RAB7A: variants seen among roughly 807,000 people sequenced by gnomAD.
The protein encoded by RAB7A is ras-related protein Rab-7a.
RAB7A carries 2 observed loss-of-function variants against 24.5 expected under a neutral mutation model. The observed-to-expected ratio is 0.08, with a 90% confidence interval of 0.03 to 0.26. The LOEUF is 0.26. Among genes scored for constraint, RAB7A ranks in the 10% least tolerant of loss-of-function variants. RAB7A has a pLI of 1.00. For missense variants in RAB7A, 118 were observed against 255.7 expected (o/e 0.46, Z 3.67); for synonymous variants, 100 against 95.9 (o/e 1.04, Z -0.25).
chr3:128,792,636 G>A (rs1933481244), intron 1 of RAB7A, among the ~76,000 whole-genome samples: 2 of 151,424 alleles, frequency 1.3e-5, no homozygotes, highest in South Asian at 4.2e-4. Context: ...TTGAACTGCT[G>A]ACCTCAAGTG....
intron 1 of RAB7A, among the ~76,000 whole-genome samples, chr3:128,751,123 G>T (rs1438185650): frequency 6.6e-6 from 1 of 152,234 alleles, no homozygotes; most frequent in African/African-American, 2.4e-5. Context: ...GCAGGGGCAG[G>T]ACTCTCATGG....
intron 1 of RAB7A, among the ~76,000 whole-genome samples, chr3:128,775,779 A>G (rs1933073434): frequency 1.3e-5 from 2 of 152,204 alleles, no homozygotes; most frequent in Non-Finnish European, 2.9e-5. Context: ...TTAATTGATA[A>G]ATAAAAATGG....
intron 1 of RAB7A, among the ~76,000 whole-genome samples, chr3:128,745,333 A>C (rs946282865): frequency 1.3e-5 from 2 of 151,934 alleles, no homozygotes; most frequent in Non-Finnish European, 2.9e-5. Context: ...GTACTGTAAA[A>C]TTTGGAAGAA....
intron 1 of RAB7A, chr3:128,764,912 G>C: frequency 6.4e-7 from 1 of 1,565,400 alleles, no homozygotes. Context: ...GACACGGACA[G>C]GTAAACGTAG....
intron 1 of RAB7A, among the ~76,000 whole-genome samples, chr3:128,761,536 G>A (rs2070776003): frequency 6.6e-6 from 1 of 152,100 alleles, no homozygotes; most frequent in African/African-American, 2.4e-5. Context: ...GCAGGTGCTT[G>A]GGAAATGAAT....
chr3:128,774,838 C>T (rs1933040736), intron 1 of RAB7A, among the ~76,000 whole-genome samples: 2 of 152,182 alleles, frequency 1.3e-5, no homozygotes, highest in African/African-American at 2.4e-5. Flanking sequence ...TCCCAAAGTG[C>T]TGGGATTACA....
intron 3 of RAB7A, chr3:128,799,037 C>T: frequency 6.2e-6 from 1 of 162,532 alleles, no homozygotes; most frequent in Non-Finnish European, 1.3e-5. Flanking sequence ...TTTTAACCTG[C>T]CTGTGAGGTT....
At chr3:128,768,802 T>C (rs1018139624) in intron 1 of RAB7A, among the ~76,000 whole-genome samples, 1 of 151,270 alleles carries the variant, frequency 6.6e-6, no homozygotes, top group Non-Finnish European at 1.5e-5. Context: ...GCTTCAGCCT[T>C]TCCACCTTAG....
At chr3:128,750,766 A>AT (rs762545431) in intron 1 of RAB7A, among the ~76,000 whole-genome samples, 4 of 152,200 alleles carry the variant, frequency 2.6e-5, no homozygotes, top group Admixed American at 1.3e-4. Flanking sequence ...TCCCAAGACA[A>AT]TGGGGAAAAT....
intron 1 of RAB7A, among the ~76,000 whole-genome samples, chr3:128,732,820 C>G (rs560363603): frequency 6.6e-6 from 1 of 152,202 alleles, no homozygotes; most frequent in East Asian, 1.9e-4. Flanking sequence ...GAGCAAGACC[C>G]TGTCTCAAGA....
intron 1 of RAB7A, among the ~76,000 whole-genome samples, chr3:128,730,835 G>A (rs990716465): frequency 6.6e-6 from 1 of 152,140 alleles, no homozygotes; most frequent in South Asian, 2.1e-4. Flanking sequence ...TTTTGGTGAT[G>A]GCATCACTGC....
At chr3:128,806,336 C>T in intron 3 of RAB7A, 36 bp from the exon 4 acceptor site, 9 of 1,573,428 alleles carry the variant, frequency 5.7e-6, no homozygotes, top group South Asian at 1.1e-5. Flanking sequence ...CTCTGCCTAG[C>T]ATTCTCCCAA....
intron 1 of RAB7A, among the ~76,000 whole-genome samples, chr3:128,790,734 C>T (rs1933437682): frequency 1.3e-5 from 2 of 152,250 alleles, no homozygotes; most frequent in Middle Eastern, 3.4e-3. Context: ...ATTCCAGCAC[C>T]CCACTGTTAA....
intron 1 of RAB7A, among the ~76,000 whole-genome samples, chr3:128,773,388 C>T (rs1430033819): frequency 1.3e-5 from 2 of 151,126 alleles, no homozygotes; most frequent in Non-Finnish European, 3.0e-5. Context: ...AGTGAGGCGC[C>T]CCTCTGCCCG....
intron 1 of RAB7A, among the ~76,000 whole-genome samples, chr3:128,728,337 C>T (rs575941629): frequency 3.4e-4 from 52 of 152,194 alleles, no homozygotes; most frequent in Non-Finnish European, 6.6e-4. Context: ...TTAACAACAG[C>T]ATTTGTATGG....
chr3:128,781,322 A>G (rs1236043256), intron 1 of RAB7A, among the ~76,000 whole-genome samples: 2 of 152,046 alleles, frequency 1.3e-5, no homozygotes, highest in African/African-American at 2.4e-5. Flanking sequence ...TCTGTGCATT[A>G]TCTCATTTGT....
chr3:128,730,351 T>C (rs1057110373), intron 1 of RAB7A, among the ~76,000 whole-genome samples: 4 of 151,902 alleles, frequency 2.6e-5, no homozygotes, highest in African/African-American at 9.7e-5. Context: ...TGCCTCAGCC[T>C]CCCGAGTAGC....
chr3:128,760,818 C>T (rs1326282510), intron 1 of RAB7A, among the ~76,000 whole-genome samples: 2 of 152,198 alleles, frequency 1.3e-5, no homozygotes, highest in Non-Finnish European at 2.9e-5. Context: ...GTAGGGGAAC[C>T]TAGGCAAAAT....
At chr3:128,797,062 G>A (rs1041414629) in intron 2 of RAB7A, among the ~76,000 whole-genome samples, 3 of 152,244 alleles carry the variant, frequency 2.0e-5, no homozygotes, top group Admixed American at 6.5e-5. Flanking sequence ...CTCCATCCCC[G>A]TCGGGATGGA....
Sources: allele counts gnomAD v4.1 joint callset (sites outside exome capture counted in the v4.1 genomes callset), GRCh38; gene constraint gnomAD v4.1.1; transcripts MANE v1.5; gene names NCBI Gene and HGNC (gene_info 2026-07-23, HGNC 2026-07-21).